TDRD12: variants seen among roughly 807,000 people sequenced by gnomAD.
TDRD12 encodes putative ATP-dependent RNA helicase TDRD12.
Under a neutral mutation model 133.5 loss-of-function variants are expected in TDRD12, and 158 were observed. That is an observed-to-expected ratio of 1.18 (90% CI 1.04 to 1.35). The LOEUF is 1.35. Ranked by LOEUF, TDRD12 falls within the 40% of genes most tolerant of loss-of-function variation. TDRD12 has a pLI of 0.00. For synonymous variants in TDRD12, 460 were observed against 477.9 expected (o/e 0.96, Z 0.49); for missense variants, 1,443 against 1,321.3 (o/e 1.09, Z -1.43).
Position 32,738,853 on chromosome 19 carries a change from C to T in TDRD12, c.184-3C>T. On this transcript the variant is annotated splice_polypyrimidine_tract_variant and splice_region_variant and intron_variant, in intron 2 of 27. Transcript: ENST00000444215. The stretch of plus-strand genomic sequence containing the variant: ...TAAAAATAACTCTCTGTTTATTTTG[C>T]AGGTGTGTGTGGTCTATTGTGAGGA... 1 of 1,547,920 alleles carries T rather than the reference C, an allele frequency of 6.5e-7. No individual in the cohort carries two copies. Among genetic ancestry groups the T allele is most frequent in the Non-Finnish European group, 8.7e-7 (1 of 1,146,260 alleles).
At chr19:32,743,158 A>C (rs936186574) in intron 4 of TDRD12, among the ~76,000 whole-genome samples, 2 of 152,262 alleles carry the variant, frequency 1.3e-5, no homozygotes, top group Admixed American at 1.3e-4. Flanking sequence ...ATATTCATAA[A>C]ACATAGGATC....
intron 21 of TDRD12, among the ~76,000 whole-genome samples, chr19:32,804,913 C>G (rs960687452): frequency 3.3e-5 from 5 of 151,396 alleles, no homozygotes; most frequent in African/African-American, 4.9e-5. Context: ...AAAAAGTTGT[C>G]TATTTCAAGG....
chr19:32,805,804 T>C (rs1325990606), intron 21 of TDRD12, among the ~76,000 whole-genome samples: 1 of 149,210 alleles, frequency 6.7e-6, no homozygotes, highest in Non-Finnish European at 1.5e-5. Context: ...TGATCTCGGC[T>C]CACTGCAACC....
chr19:32,757,081 A>G (rs1298760762), exon 8 of TDRD12: 2 of 1,551,884 alleles, frequency 1.3e-6, no homozygotes, highest in Admixed American at 2.0e-5. Flanking sequence ...TGCAACATAC[A>G]TGGTGCAAGG....
At chr19:32,728,605 C>T (rs2145423219) in intron 1 of TDRD12, among the ~76,000 whole-genome samples, 1 of 150,004 alleles carries the variant, frequency 6.7e-6, no homozygotes, top group South Asian at 2.1e-4. Context: ...ACCTTTAGTA[C>T]AATGTTAGCG....
intron 1 of TDRD12, 123 bp from the exon 2 acceptor site, chr19:32,731,602 G>A: frequency 1.2e-6 from 1 of 834,428 alleles, no homozygotes; most frequent in Non-Finnish European, 1.8e-6. Context: ...TTTAAGCAAA[G>A]GCATTTGTCA....
chr19:32,778,089 C>A (rs1185585820), intron 11 of TDRD12, among the ~76,000 whole-genome samples: 1 of 151,540 alleles, frequency 6.6e-6, no homozygotes, highest in Non-Finnish European at 1.5e-5. Context: ...CTGGAGCTCC[C>A]AGAGTGACAA....
chr19:32,729,778 C>CTTTTTTTTTTTTTTTTTTTT lies in TDRD12; in HGVS notation c.25-1938_25-1919dup, dbSNP rs1162347194. 2.7e-5 allele frequency among the ~76,000 whole-genome samples: 2 copies of CTTTTTTTTTTTTTTTTTTTT among 73,660 alleles called. 1 individual carries two copies. Among genetic ancestry groups the CTTTTTTTTTTTTTTTTTTTT allele is most frequent in the Non-Finnish European group, 4.9e-5 (2 of 40,938 alleles). The allele number at this position is 73,660 out of a possible 152,430, so 48.3% of individuals were successfully genotyped here. A position where few individuals can be genotyped will look rare whatever the true frequency, so the allele number is the denominator to read the frequency against. ...TTTCTGGTGACTACTTTTTCTTTTT[C>CTTTTTTTTTTTTTTTTTTTT]TTTTTTTTTTTTTTTTTTTTTTTTT... On this transcript the variant is annotated intron_variant, in intron 1 of 27. Transcript: ENST00000444215.
chr19:32,781,947 G>A (rs1970779219), intron 11 of TDRD12, among the ~76,000 whole-genome samples: 1 of 144,874 alleles, frequency 6.9e-6, no homozygotes, highest in African/African-American at 2.6e-5. Flanking sequence ...AATTGGTTGA[G>A]TAATTTTATA....
chr19:32,771,117 G>A (rs1415205936), intron 8 of TDRD12, among the ~76,000 whole-genome samples: 1 of 152,200 alleles, frequency 6.6e-6, no homozygotes, highest in Non-Finnish European at 1.5e-5. Context: ...AACAGGAGCT[G>A]CATGTCACCT....
chr19:32,810,425 T>A lies in TDRD12; in HGVS notation c.2837+148T>A, dbSNP rs190571818. 8.9e-4 allele frequency: 565 copies of A among 633,564 alleles called. 3 individuals are homozygous for A. In the African/African-American group the frequency reaches 9.8e-3, roughly 11 times the overall value. The allele number at this position is 633,564 out of a possible 1,614,324, so 39.2% of individuals were successfully genotyped here. ...GTGTCCCCCCAGATGCCTGCTCCAG[T>A]TCTTTGTGGGAAACTCTTCCCCAGG... On this transcript the variant is annotated intron_variant, in intron 23 of 27. Coordinates refer to ENST00000444215, the Ensembl canonical transcript of TDRD12.
chr19:32,722,311 C>T (rs1415753212), intron 1 of TDRD12, among the ~76,000 whole-genome samples: 3 of 152,108 alleles, frequency 2.0e-5, no homozygotes, highest in East Asian at 3.9e-4. Flanking sequence ...GCTGGACTTG[C>T]TGCCTCCTGT....
chr19:32,827,902 G>A (rs141100585), exon 10 of TDRD12: 29 of 152,292 alleles, frequency 1.9e-4, no homozygotes, highest in African/African-American at 6.5e-4. Flanking sequence ...ACATGCATCT[G>A]GGTGATGAAA....
At chr19:32,760,119 G>A (rs1488468749) in intron 8 of TDRD12, among the ~76,000 whole-genome samples, 1 of 152,210 alleles carries the variant, frequency 6.6e-6, no homozygotes, top group Non-Finnish European at 1.5e-5. Flanking sequence ...TTTAATTATT[G>A]CGTGGCTTTC....
In TDRD12 at chr19:32,809,207, TCTTC is replaced by T. The variant is rs367903518; in HGVS notation, c.2653-881_2653-878del. Among the ~76,000 whole-genome samples, 689 of 152,340 alleles carry T rather than the reference TCTTC, an allele frequency of 4.5e-3. 2 individuals carry two copies. The highest frequency in any genetic ancestry group is 0.015 in the African/African-American group (635 of 41,584). On this transcript the variant is annotated intron_variant, in intron 22 of 27. Coordinates refer to ENST00000444215, the Ensembl canonical transcript of TDRD12. The stretch of plus-strand genomic sequence containing the variant: ...CCTCCTGAACTGTTACCTGGTTTTC[TCTTC>T]CTTCATCCCTCCTGTCCCTGGAGGG...
At chr19:32,744,518 A>AAC (rs1969538096) in intron 4 of TDRD12, among the ~76,000 whole-genome samples, 1 of 150,568 alleles carries the variant, frequency 6.6e-6, no homozygotes, top group African/African-American at 2.4e-5. Flanking sequence ...AAAAAAAAAA[A>AAC]AAAAAACAAA....
intron 1 of TDRD12, among the ~76,000 whole-genome samples, chr19:32,722,047 TCTTA>T (rs1336868387): frequency 6.6e-6 from 1 of 152,050 alleles, no homozygotes; most frequent in African/African-American, 2.4e-5. Context: ...ACTCTCCTGC[TCTTA>T]CTTGATGTCT....
In TDRD12 at chr19:32,789,199, G is replaced by A. The variant is rs570075055; in HGVS notation, c.1122-1332G>A. Among the ~76,000 whole-genome samples, 7 of 152,288 alleles carry A rather than the reference G, an allele frequency of 4.6e-5. No homozygotes were observed. The South Asian group carries it at 1.2e-3, about 27-fold the overall frequency. The stretch of plus-strand genomic sequence containing the variant: ...GGTTGTTCTCTGCAGATAGGGTCAG[G>A]CCTCCCGCGGCTGGCTCAGGGTCAA... On this transcript the variant is annotated intron_variant, in intron 11 of 27. Coordinates refer to ENST00000444215, the Ensembl canonical transcript of TDRD12.
At position 32,749,887 on chromosome 19, in the gene TDRD12, AT is replaced by A. The variant is rs745789157; in HGVS notation, c.582+23del. On this transcript the variant is annotated intron_variant, in intron 6 of 27. Transcript: ENST00000444215. ...ATGAAAAAGTAAGTGAAAGAATTGTATTTTTATAATATTTCATCATTTTAAA... is the reference window on the plus strand; with the variant it reads ...ATGAAAAAGTAAGTGAAAGAATTGTATTTTATAATATTTCATCATTTTAAA... The A allele has an allele frequency of 1.4e-6, 2 of 1,453,816 alleles. No homozygotes were observed. Among genetic ancestry groups the A allele is most frequent in the South Asian group, 2.6e-5 (2 of 76,966 alleles). The allele number at this position is 1,453,816 out of a possible 1,614,324, so 90.1% of individuals were successfully genotyped here. A position where few individuals can be genotyped will look rare whatever the true frequency, so the allele number is the denominator to read the frequency against.
Sources: allele counts gnomAD v4.1 joint callset (sites outside exome capture counted in the v4.1 genomes callset), GRCh38; gene constraint gnomAD v4.1.1; transcripts MANE v1.5; gene names NCBI Gene and HGNC (gene_info 2026-07-23, HGNC 2026-07-21).